PRKCE: variants seen among roughly 807,000 people sequenced by gnomAD.
The protein encoded by PRKCE is protein kinase C epsilon type.
Under a neutral mutation model 85.4 loss-of-function variants are expected in PRKCE, and 16 were observed. The observed-to-expected ratio is 0.19, with a 90% CI of 0.13 to 0.28. PRKCE has a LOEUF of 0.28. Ranked by LOEUF, PRKCE falls within the 10% of genes least tolerant of loss-of-function variation. PRKCE has a pLI of 1.00. For missense variants in PRKCE, 573 were observed against 975.2 expected (o/e 0.59, Z 5.49); for synonymous variants, 388 against 371.5 (o/e 1.04, Z -0.51).
chr2:46,049,518 C>G (rs1333767545), intron 10 of PRKCE, among the ~76,000 whole-genome samples: 1 of 152,200 alleles, frequency 6.6e-6, no homozygotes, highest in African/African-American at 2.4e-5. Context: ...GGAGTCCAGC[C>G]CTTGGGCAGC....
intron 10 of PRKCE, among the ~76,000 whole-genome samples, chr2:46,018,419 G>A (rs961743689): frequency 2.0e-5 from 3 of 152,030 alleles, no homozygotes; most frequent in Non-Finnish European, 2.9e-5. Flanking sequence ...ACAGTGAGCC[G>A]AGATCCCGCC....
At chr2:45,719,422 G>A (rs1418342518) in intron 1 of PRKCE, among the ~76,000 whole-genome samples, 5 of 152,300 alleles carry the variant, frequency 3.3e-5, no homozygotes, top group African/African-American at 1.2e-4. Context: ...AGGCCCACGT[G>A]CTGACATCCT....
chr2:46,134,907 A>G (rs1674805818), intron 11 of PRKCE, among the ~76,000 whole-genome samples: 1 of 152,256 alleles, frequency 6.6e-6, no homozygotes, highest in Non-Finnish European at 1.5e-5. Flanking sequence ...GATTTTATCC[A>G]TGAATATTAA....
At chr2:45,693,174 C>T (rs775242330) in intron 1 of PRKCE, among the ~76,000 whole-genome samples, 3 of 151,862 alleles carry the variant, frequency 2.0e-5, no homozygotes, top group Admixed American at 1.3e-4. Flanking sequence ...AGGTCAGAGG[C>T]GACCCTCAGA....
Position 45,885,002 on chromosome 2 carries a change from T to TTTTTTG in PRKCE, c.412+41941_412+41942insTTTGTT, listed in dbSNP as rs375477829. On this transcript the variant is annotated intron_variant, in intron 2 of 14. Coordinates refer to ENST00000306156, the MANE Select transcript of PRKCE (RefSeq NM_005400.3). ...ATATATATATATATATATATATATATTTGTTGTTGTTGTTGTTGTTTTACC... is the reference window on the plus strand; with the variant it reads ...ATATATATATATATATATATATATATTTTTTGTTGTTGTTGTTGTTGTTGTTTTACC... Among the ~76,000 whole-genome samples, 15 of 97,666 alleles carry TTTTTTG rather than the reference T, an allele frequency of 1.5e-4. 1 individual carries two copies. Among genetic ancestry groups the TTTTTTG allele is most frequent in the East Asian group, 1.2e-3 (4 of 3,466 alleles). The allele number at this position is 97,666 out of a possible 152,430, so 64.1% of individuals were successfully genotyped here.
chr2:45,845,716 C>G (rs1219538360), intron 2 of PRKCE: 1 of 152,168 alleles, frequency 6.6e-6, no homozygotes, highest in African/African-American at 2.4e-5. Flanking sequence ...GGAGCTGGAG[C>G]TAATGTGATT....
intron 2 of PRKCE, among the ~76,000 whole-genome samples, chr2:45,975,340 A>G (rs183146161): frequency 5.3e-5 from 8 of 152,252 alleles, no homozygotes; most frequent in Admixed American, 4.6e-4. Context: ...AATACCAAAG[A>G]CTGGGTGTCT....
chr2:45,801,987 G>A (rs1687900157), intron 1 of PRKCE, among the ~76,000 whole-genome samples: 1 of 151,730 alleles, frequency 6.6e-6, no homozygotes, highest in Non-Finnish European at 1.5e-5. Context: ...AGTGGCTCAT[G>A]CCTGTAATTC....
intron 1 of PRKCE, among the ~76,000 whole-genome samples, chr2:45,709,341 C>G (rs1313949886): frequency 4.6e-5 from 7 of 152,226 alleles, no homozygotes. Flanking sequence ...GGCCAGAGGG[C>G]TGGTGTGATG....
At chr2:46,183,969 C>T (rs1030409771) in intron 14 of PRKCE, among the ~76,000 whole-genome samples, 1 of 152,154 alleles carries the variant, frequency 6.6e-6, no homozygotes, top group East Asian at 1.9e-4. Flanking sequence ...CCCCAAGAAC[C>T]ATAAGGCACA....
chr2:46,053,545 GT>G (rs1708986140), intron 10 of PRKCE, among the ~76,000 whole-genome samples: 1 of 152,144 alleles, frequency 6.6e-6, no homozygotes, highest in Non-Finnish European at 1.5e-5. Flanking sequence ...CCATGCCACT[GT>G]TGATCTCTAT....
At chr2:45,706,228 C>G (rs1679102937) in intron 1 of PRKCE, among the ~76,000 whole-genome samples, 1 of 152,104 alleles carries the variant, frequency 6.6e-6, no homozygotes. Context: ...TTCACAGCTG[C>G]TGTTGTAGTT....
chr2:45,747,676 A>G (rs1558627982), intron 1 of PRKCE, among the ~76,000 whole-genome samples: 1 of 152,230 alleles, frequency 6.6e-6, no homozygotes, highest in South Asian at 2.1e-4. Flanking sequence ...TGGGTATACA[A>G]CTATCTCTTT....
At chr2:46,120,595 C>T (rs951064992) in intron 11 of PRKCE, among the ~76,000 whole-genome samples, 1 of 152,118 alleles carries the variant, frequency 6.6e-6, no homozygotes, top group Non-Finnish European at 1.5e-5. Flanking sequence ...AGAGTACAGC[C>T]ATATTTGCAG....
intron 1 of PRKCE, among the ~76,000 whole-genome samples, chr2:45,796,842 T>C (rs1224317398): frequency 1.3e-5 from 2 of 152,176 alleles, no homozygotes; most frequent in African/African-American, 4.8e-5. Context: ...GCTCATGAAC[T>C]CCTGGCCTCA....
intron 2 of PRKCE, among the ~76,000 whole-genome samples, chr2:45,966,322 A>G (rs563319709): frequency 6.6e-6 from 1 of 152,294 alleles, no homozygotes; most frequent in South Asian, 2.1e-4. Flanking sequence ...ACTATCTCGC[A>G]CGTGTGTGAT....
intron 10 of PRKCE, among the ~76,000 whole-genome samples, chr2:46,033,564 C>G (rs976949710): frequency 6.6e-6 from 1 of 152,190 alleles, no homozygotes; most frequent in Non-Finnish European, 1.5e-5. Flanking sequence ...ATTGGCCACG[C>G]TTTGAGAAAT....
chr2:45,930,341 C>T (rs556503733), intron 2 of PRKCE, among the ~76,000 whole-genome samples: 131 of 152,252 alleles, frequency 8.6e-4, no homozygotes, highest in African/African-American at 3.0e-3. Context: ...ATGAAGAAGG[C>T]CTAGGGAGTT....
chr2:45,775,881 C>T (rs1205466848), intron 1 of PRKCE, among the ~76,000 whole-genome samples: 1 of 152,194 alleles, frequency 6.6e-6, no homozygotes, highest in Non-Finnish European at 1.5e-5. Context: ...TCTCCCAACT[C>T]CTCCCACTGG....
Sources: gnomAD v4.1 joint callset for allele counts (sites outside exome capture counted in the v4.1 genomes callset) on GRCh38, gnomAD v4.1.1 for gene constraint, MANE v1.5 for transcripts, NCBI Gene and HGNC (gene_info 2026-07-23, HGNC 2026-07-21) for gene names.